The following IGF2R variants were observed in gnomAD, a reference collection of about 807,000 sequenced individuals.
The protein encoded by IGF2R is cation-independent mannose-6-phosphate receptor.
IGF2R carries 91 observed loss-of-function variants against 270.6 expected under a neutral mutation model. The ratio of observed to expected loss-of-function variants is 0.34; its 90% CI spans 0.28 to 0.40. The LOEUF is 0.40. IGF2R is among the 10% of genes least tolerant of loss of function. The pLI, the probability that IGF2R is intolerant of heterozygous loss-of-function variation, is 1.00. For missense variants in IGF2R, 2,805 were observed against 3,188.3 expected, an observed-to-expected ratio of 0.88 and a Z score of 2.90; for synonymous variants, 1,316 against 1,258.9, an observed-to-expected ratio of 1.05 and a Z score of -0.96.
At chr6:160,095,709 A>C (rs1779341173) in intron 44 of IGF2R, 1 of 152,354 alleles carries the variant, frequency 6.6e-6, no homozygotes, top group Non-Finnish European at 1.5e-5. Context: ...AAGTCAGCTT[A>C]GTTTAGACTT....
intron 18 of IGF2R, among the ~76,000 whole-genome samples, chr6:160,049,365 G>T (rs1213239770): frequency 6.6e-6 from 1 of 152,200 alleles, no homozygotes; most frequent in Non-Finnish European, 1.5e-5. Context: ...TGGAACGAGT[G>T]TAGTGGCCCA....
chr6:159,990,407 C>T (rs1271974319), intron 1 of IGF2R, among the ~76,000 whole-genome samples: 1 of 152,110 alleles, frequency 6.6e-6, no homozygotes, highest in East Asian at 1.9e-4. Flanking sequence ...GGCTTTTTCC[C>T]CTTTTGCTCC....
intron 17 of IGF2R, 122 bp from the exon 18 acceptor site, chr6:160,048,252 TG>T: frequency 1.1e-6 from 1 of 934,500 alleles, no homozygotes. Context: ...AGCCAACTCC[TG>T]GTAGTGTGAT....
At chr6:160,032,072 G>A (rs755416050) in intron 7 of IGF2R, among the ~76,000 whole-genome samples, 14 of 152,334 alleles carry the variant, frequency 9.2e-5, no homozygotes, top group Admixed American at 1.3e-4. Flanking sequence ...GTTGTGGACC[G>A]TGTCTCTGGT....
chr6:160,098,577 G>T (rs771688003), intron 45 of IGF2R, among the ~76,000 whole-genome samples: 39 of 152,294 alleles, frequency 2.6e-4, no homozygotes, highest in Non-Finnish European at 5.6e-4. Flanking sequence ...CCAACATTTT[G>T]GGAGGCTAAG....
At chr6:160,059,303 G>T (rs193187480) in intron 22 of IGF2R, among the ~76,000 whole-genome samples, 1 of 152,330 alleles carries the variant, frequency 6.6e-6, no homozygotes, top group African/African-American at 2.4e-5. Flanking sequence ...CTTCACTTTT[G>T]TGGTATCACA....
chr6:160,021,895 T>C (rs1425994823), intron 4 of IGF2R, among the ~76,000 whole-genome samples: 2 of 152,070 alleles, frequency 1.3e-5, no homozygotes, highest in East Asian at 3.9e-4. Context: ...CTACACAAAG[T>C]AAAAGAAATC....
chr6:159,999,841 GA>G (rs915634088), intron 2 of IGF2R, among the ~76,000 whole-genome samples: 4 of 151,762 alleles, frequency 2.6e-5, no homozygotes, highest in African/African-American at 7.3e-5. Flanking sequence ...TAGAACATTG[GA>G]AAAAAAATTA....
In IGF2R at chr6:160,048,076, G is replaced by A. The variant is rs905805102; in HGVS notation, c.2345+169G>A. Among the ~76,000 whole-genome samples, 51 of 152,198 alleles carry A rather than the reference G, an allele frequency of 3.4e-4. 1 individual carries two copies. Among genetic ancestry groups the A allele is most frequent in the Non-Finnish European group, 8.8e-5 (6 of 68,036 alleles). ...AGTGAATTCTAATAACTGTCTGGTC[G>A]CCTTTGGGATAGCAACCAGTCTTGG... On this transcript the variant is annotated intron_variant, in intron 17 of 47. Transcript: ENST00000356956.
At chr6:160,053,422 G>T (rs1215667714) in intron 19 of IGF2R, among the ~76,000 whole-genome samples, 1 of 152,092 alleles carries the variant, frequency 6.6e-6, no homozygotes, top group Non-Finnish European at 1.5e-5. Flanking sequence ...ATAAAAAAAG[G>T]TATTAAAAAT....
chr6:159,994,127 C>T (rs1583247342), intron 2 of IGF2R, among the ~76,000 whole-genome samples: 1 of 149,428 alleles, frequency 6.7e-6, no homozygotes, highest in East Asian at 2.0e-4. Flanking sequence ...CTGATTCAAT[C>T]TCACTCCTTT....
At chr6:160,023,560 GC>G (rs1203945128) in intron 4 of IGF2R, among the ~76,000 whole-genome samples, 1 of 152,184 alleles carries the variant, frequency 6.6e-6, no homozygotes, top group Non-Finnish European at 1.5e-5. Context: ...CCTTACAGCA[GC>G]CCCATGAAGG....
chr6:160,049,292 T>C (rs1778141310), intron 18 of IGF2R, among the ~76,000 whole-genome samples: 1 of 152,178 alleles, frequency 6.6e-6, no homozygotes, highest in Non-Finnish European at 1.5e-5. Flanking sequence ...ATCTGTGAAC[T>C]TGCCTACTTG....
In IGF2R at chr6:159,970,656, C is replaced by T. The variant is rs893980770; in HGVS notation, c.149+1261C>T. Among the ~76,000 whole-genome samples the T allele has an allele frequency of 2.6e-5, 4 of 152,230 alleles. No homozygotes were observed. The South Asian group carries it at 8.3e-4, about 32-fold the overall frequency. Reference sequence around the variant, plus strand: ...CACTAGTTTAAAGACCAGTTAGCTACCCTAAGATACATAGTTACTCCAGTA... The same window carrying T: ...CACTAGTTTAAAGACCAGTTAGCTATCCTAAGATACATAGTTACTCCAGTA... On this transcript the variant is annotated intron_variant, in intron 1 of 47. Coordinates refer to ENST00000356956, the MANE Select transcript of IGF2R (RefSeq NM_000876.4).
In IGF2R at chr6:160,027,305, G is replaced by T. The variant is rs371916370; in HGVS notation, c.767G>T (p.Arg256Leu). 4 of 1,612,896 alleles carry T rather than the reference G, an allele frequency of 2.5e-6. No homozygotes were observed. The highest frequency in any genetic ancestry group is 1.7e-5 in the Admixed American group (1 of 59,900). Residue 256 changes from arginine (R) to leucine (L), a missense_variant, in exon 6 of 48, where the codon CGC becomes CTC. Physicochemically the swap from Arg to Leu is moderately radical, Grantham distance 102 (BLOSUM62 -2). This residue lies in a region of IGF2R where 954 missense variants were observed against 981.1 expected (regional missense o/e 0.97). Coordinates refer to ENST00000356956, the MANE Select transcript of IGF2R (RefSeq NM_000876.4). ...GQPRDGLKLV[R>L]KDRLVLSYVR... ...CCCCGGGACGGACTGAAGCTGGTGC[G>T]CAAGGACAGGTCAGTCAAGGCCTCC...
chr6:159,978,226 C>T (rs1189787226), intron 1 of IGF2R, among the ~76,000 whole-genome samples: 1 of 152,190 alleles, frequency 6.6e-6, no homozygotes, highest in East Asian at 1.9e-4. Context: ...AGCCACTGGA[C>T]TCCGTGATTT....
At position 160,045,629 on chromosome 6, in the gene IGF2R, C is replaced by A; in HGVS notation, c.1766-116C>A. On this transcript the variant is annotated intron_variant, in intron 13 of 47. Coordinates refer to ENST00000356956, the MANE Select transcript of IGF2R (RefSeq NM_000876.4). ...AGGGCTGTTTTTTGACCCTTCTATG[C>A]ATTATACCTCATTTCCCACTGTCCC... 3.2e-6 allele frequency: 4 copies of A among 1,249,704 alleles called. No homozygotes were observed. In the South Asian group the frequency reaches 3.7e-5, roughly 11 times the overall value. 77.4% of individuals were successfully genotyped at this position (1,249,704 alleles called of 1,614,324 possible).
chr6:160,056,518 C>T lies in IGF2R; in HGVS notation c.2789C>T (p.Thr930Ile), dbSNP rs907817811. ...TGTCCCATTCAGACAACGACGGATA[C>T]AGACCAGGTACGTGTGCTTTCACCT... ...AACPIQTTTD[T>I]DQACSIRDPN... Residue 930 changes from threonine to isoleucine, a missense_variant, in exon 20 of 48, where the codon ACA becomes ATA. This residue lies in a region of IGF2R where 1,851 missense variants were observed against 2,207.2 expected (regional missense o/e 0.84). Transcript: ENST00000356956. 2 of 1,608,356 alleles carry T rather than the reference C, an allele frequency of 1.2e-6. No homozygotes were observed. Among genetic ancestry groups the T allele is most frequent in the African/African-American group, 2.7e-5 (2 of 74,802 alleles).
chr6:159,991,382 A>G (rs2115183664), intron 2 of IGF2R, 59 bp downstream of exon 2: 1 of 1,499,872 alleles, frequency 6.7e-7, no homozygotes, highest in South Asian at 1.2e-5. Context: ...TTTTGCAAAA[A>G]TGACTGTGTA....
Sources: allele counts gnomAD v4.1 joint callset (sites outside exome capture counted in the v4.1 genomes callset), GRCh38; gene constraint gnomAD v4.1.1; regional missense constraint gnomAD v4.1.1; transcripts MANE v1.5; gene names NCBI Gene and HGNC (gene_info 2026-07-23, HGNC 2026-07-21).